ACOXL: variants seen among roughly 807,000 people sequenced by gnomAD.
ACOXL encodes acyl-coenzyme A oxidase-like protein.
A neutral mutation model predicts 71.9 loss-of-function variants in ACOXL; 70 were observed. The ratio of observed to expected loss-of-function variants is 0.97; its 90% CI spans 0.80 to 1.19. The LOEUF is 1.19. Among genes scored for constraint, ACOXL ranks in the 50% most tolerant of loss-of-function variants. The probability of loss-of-function intolerance (pLI) is 0.00; values close to 1 mark genes in which losing one functional copy is unlikely to be tolerated. For synonymous variants in ACOXL, 253 were observed against 281.6 expected, an observed-to-expected ratio of 0.90 and a Z score of 1.02; for missense variants, 703 against 736.3, an observed-to-expected ratio of 0.95 and a Z score of 0.52.
intron 13 of ACOXL, among the ~76,000 whole-genome samples, chr2:110,988,232 G>A (rs566874225): frequency 2.6e-5 from 4 of 152,336 alleles, no homozygotes; most frequent in South Asian, 4.1e-4. Context: ...AAGCCCAGGA[G>A]TTCGAGACCA....
At chr2:110,880,153 C>A (rs200249518) in intron 10 of ACOXL, among the ~76,000 whole-genome samples, 4,121 of 83,706 alleles carry the variant, frequency 0.049, no homozygotes, top group African/African-American at 0.059. Context: ...CTGTCACAAA[C>A]AAAAAAAAAA....
chr2:110,848,236 C>T (rs893698710), intron 10 of ACOXL, among the ~76,000 whole-genome samples: 9 of 152,134 alleles, frequency 5.9e-5, no homozygotes, highest in Non-Finnish European at 1.0e-4. Flanking sequence ...CCTTTCTGCC[C>T]TTTTTTCCCC....
At chr2:110,859,063 GC>G (rs1275305117) in intron 10 of ACOXL, among the ~76,000 whole-genome samples, 1 of 152,208 alleles carries the variant, frequency 6.6e-6, no homozygotes, top group Non-Finnish European at 1.5e-5. Flanking sequence ...ATCAGTTATA[GC>G]TCTGCGTTTA....
At chr2:110,938,070 C>T (rs2060731282) in intron 12 of ACOXL, among the ~76,000 whole-genome samples, 1 of 152,184 alleles carries the variant, frequency 6.6e-6, no homozygotes, top group South Asian at 2.1e-4. Flanking sequence ...ACGAGGCAGG[C>T]CCTGTGCAGC....
chr2:110,846,641 G>GCAAACACACACACACACACACA, intron 10 of ACOXL, among the ~76,000 whole-genome samples: 1 of 138,034 alleles, frequency 7.2e-6, no homozygotes, highest in African/African-American at 2.7e-5. Flanking sequence ...ATGCATACAC[G>GCAAACACACACACACACACACA]CACACACACA....
At chr2:110,978,811 T>G (rs779310632) in intron 12 of ACOXL, among the ~76,000 whole-genome samples, 4 of 152,170 alleles carry the variant, frequency 2.6e-5, no homozygotes, top group African/African-American at 7.2e-5. Flanking sequence ...ACAAACTAAG[T>G]AGAATTTCTT....
chr2:110,897,445 A>G (rs1397079276), intron 10 of ACOXL, among the ~76,000 whole-genome samples: 2 of 152,164 alleles, frequency 1.3e-5, no homozygotes, highest in African/African-American at 2.4e-5. Flanking sequence ...CCCTCCTGCT[A>G]TGTCCTCTAA....
intron 12 of ACOXL, among the ~76,000 whole-genome samples, chr2:110,936,313 T>C (rs543940252): frequency 1.3e-5 from 2 of 152,270 alleles, no homozygotes; most frequent in Admixed American, 1.3e-4. Flanking sequence ...TCACCCAAGC[T>C]GAAGTGTAGT....
intron 1 of ACOXL, among the ~76,000 whole-genome samples, chr2:110,756,085 T>C (rs965675874): frequency 1.3e-5 from 2 of 152,184 alleles, no homozygotes; most frequent in Non-Finnish European, 2.9e-5. Context: ...AATTCGGGTG[T>C]TAATAGTTGA....
chr2:110,845,076 C>T (rs1004104630), intron 10 of ACOXL, among the ~76,000 whole-genome samples: 2 of 152,328 alleles, frequency 1.3e-5, no homozygotes, highest in African/African-American at 4.8e-5. Flanking sequence ...GTTTGTGCTG[C>T]TATAACAAAA....
At chr2:110,938,352 A>G (rs2060741244) in intron 12 of ACOXL, among the ~76,000 whole-genome samples, 1 of 152,226 alleles carries the variant, frequency 6.6e-6, no homozygotes, top group African/African-American at 2.4e-5. Context: ...GCCTGTCTGC[A>G]CAGCTGCCTA....
intron 10 of ACOXL, among the ~76,000 whole-genome samples, chr2:110,861,737 G>A (rs1353587206): frequency 6.6e-6 from 1 of 152,174 alleles, no homozygotes; most frequent in Admixed American, 6.5e-5. Context: ...CGTAATGTCT[G>A]AAAAACTTGG....
At chr2:110,786,257 C>T (rs1322951111) in intron 3 of ACOXL, among the ~76,000 whole-genome samples, 1 of 152,186 alleles carries the variant, frequency 6.6e-6, no homozygotes, top group Non-Finnish European at 1.5e-5. Flanking sequence ...GGTCAGTTGG[C>T]AGTGAGTCCA....
chr2:110,905,887 C>A (rs1027151246), intron 10 of ACOXL, among the ~76,000 whole-genome samples: 5 of 152,216 alleles, frequency 3.3e-5, no homozygotes, highest in African/African-American at 1.2e-4. Flanking sequence ...TAACTCCTCT[C>A]TGTCAGCACA....
chr2:111,090,794 T>TA (rs1202956312), intron 16 of ACOXL, among the ~76,000 whole-genome samples: 1 of 152,204 alleles, frequency 6.6e-6, no homozygotes, highest in Non-Finnish European at 1.5e-5. Context: ...TCAGGGGTGT[T>TA]AGAGATGTGA....
intron 17 of ACOXL, chr2:111,093,607 G>A: frequency 6.6e-7 from 1 of 1,509,286 alleles, no homozygotes; most frequent in Admixed American, 1.8e-5. Flanking sequence ...GCTCATGCCT[G>A]TAATCCCAGC....
intron 10 of ACOXL, among the ~76,000 whole-genome samples, chr2:110,858,727 C>T (rs1533298): frequency 0.67 from 102,131 of 152,146 alleles, 35,082 homozygotes; most frequent in South Asian, 0.82. Flanking sequence ...TTAGCTGATT[C>T]GATTTAGTTA....
intron 10 of ACOXL, among the ~76,000 whole-genome samples, chr2:110,847,747 G>A (rs1404178332): frequency 6.6e-6 from 1 of 152,226 alleles, no homozygotes; most frequent in Non-Finnish European, 1.5e-5. Context: ...CACCCCTCGA[G>A]GGCTGGACGG....
At chr2:110,873,783 C>T (rs891088844) in intron 10 of ACOXL, among the ~76,000 whole-genome samples, 1 of 152,202 alleles carries the variant, frequency 6.6e-6, no homozygotes, top group African/African-American at 2.4e-5. Flanking sequence ...ATTGCGTTTT[C>T]TACGTCTGTC....
Sources: gnomAD v4.1 joint callset for allele counts (sites outside exome capture counted in the v4.1 genomes callset) on GRCh38, gnomAD v4.1.1 for gene constraint, MANE v1.5 for transcripts, NCBI Gene and HGNC (gene_info 2026-07-23, HGNC 2026-07-21) for gene names.